CDK5RAP2: variants seen among roughly 807,000 people sequenced by gnomAD.
The protein encoded by CDK5RAP2 is CDK5 regulatory subunit-associated protein 2.
In CDK5RAP2, 147 loss-of-function variants were observed where a neutral mutation model predicts 232.9. The observed-to-expected ratio is 0.63, with a 90% CI of 0.55 to 0.72. CDK5RAP2 has a LOEUF of 0.72. Among genes scored for constraint, CDK5RAP2 ranks in the 30% least tolerant of loss-of-function variants. The pLI is 0.00. For missense variants in CDK5RAP2, 2,195 were observed against 2,231.5 expected (o/e 0.98, Z 0.33); for synonymous variants, 833 against 833.7 (o/e 1.00, Z 0.01).
Position 120,471,993 on chromosome 9 carries a change from A to G in CDK5RAP2, c.1728-115T>C, listed in dbSNP as rs2037734705. ...TCATTTGTGTTTTTTTCTGGTTATAAAAGTATATACAGGTTTACTATAGAG... is the reference window on the plus strand; with the variant it reads ...TCATTTGTGTTTTTTTCTGGTTATAGAAGTATATACAGGTTTACTATAGAG... On this transcript the variant is annotated intron_variant, in intron 15 of 37. Coordinates refer to ENST00000349780, the MANE Select transcript of CDK5RAP2 (RefSeq NM_018249.6). 14 of 1,359,402 alleles carry G rather than the reference A, an allele frequency of 1.0e-5. No individual in the cohort carries two copies. The South Asian group carries it at 1.7e-4, about 16-fold the overall frequency. 84.2% of individuals were successfully genotyped at this position (1,359,402 alleles called of 1,614,324 possible).
chr9:120,517,046 C>T (rs1418726239), intron 12 of CDK5RAP2, among the ~76,000 whole-genome samples: 1 of 152,066 alleles, frequency 6.6e-6, no homozygotes, highest in African/African-American at 2.4e-5. Context: ...TCAACATGAT[C>T]GTTCTGGAGC....
chr9:120,539,066 G>T lies in CDK5RAP2; in HGVS notation c.482C>A (p.Thr161Asn), dbSNP rs756166573. Residue 161 changes from threonine (T) to asparagine (N), a missense_variant, in exon 6 of 38, where the codon ACT becomes AAT. Thr to Asn is a moderately conservative substitution (Grantham distance 65). Coordinates refer to ENST00000349780, the MANE Select transcript of CDK5RAP2 (RefSeq NM_018249.6). ...CTTTTCCAAAAGGAGTATTCTTTTA[G>T]TTAGGAGATCTTCCACCTGCTGCAC... is the stretch of plus-strand genomic sequence containing the variant. ...KKVQQVEDLL[T>N]KRILLLEKDV... The T allele has an allele frequency of 6.2e-7, 1 of 1,614,072 alleles. No homozygotes were observed. Among genetic ancestry groups the T allele is most frequent in the Non-Finnish European group, 8.5e-7 (1 of 1,179,952 alleles).
At chr9:120,521,848 T>C (rs529294299) in intron 11 of CDK5RAP2, among the ~76,000 whole-genome samples, 2 of 152,216 alleles carry the variant, frequency 1.3e-5, no homozygotes, top group African/African-American at 4.8e-5. Flanking sequence ...GGTTTCGCCA[T>C]GTTAGCCAGA....
chr9:120,553,687 T>G (rs1274363190), intron 3 of CDK5RAP2, among the ~76,000 whole-genome samples: 1 of 152,244 alleles, frequency 6.6e-6, no homozygotes, highest in Non-Finnish European at 1.5e-5. Context: ...GCTCCTTTTT[T>G]GATAATTCAT....
rs1361353908 is a variant in CDK5RAP2, at chr9:120,431,086, G to A, written c.3955+6209C>T. On this transcript the variant is annotated intron_variant, in intron 25 of 37. Transcript: ENST00000349780. Reference sequence around the variant, plus strand: ...ATGAGAACACGTGGACACAGGAAAGGGAACATCACACTCTGGGGACTGTTG... The same window carrying A: ...ATGAGAACACGTGGACACAGGAAAGAGAACATCACACTCTGGGGACTGTTG... Among the ~76,000 whole-genome samples the A allele has an allele frequency of 2.6e-5, 4 of 152,256 alleles. No individual in the cohort carries two copies. The South Asian group carries it at 6.2e-4, about 24-fold the overall frequency.
At chr9:120,400,703 T>C in intron 35 of CDK5RAP2, 39 bp downstream of exon 35, 1 of 1,611,278 alleles carries the variant, frequency 6.2e-7, no homozygotes, top group Non-Finnish European at 8.5e-7. Flanking sequence ...CAGGCCCCAG[T>C]GGCATCCTTG....
chr9:120,478,307 T>C (rs1233039755), intron 14 of CDK5RAP2, among the ~76,000 whole-genome samples: 2 of 152,208 alleles, frequency 1.3e-5, no homozygotes, highest in Non-Finnish European at 2.9e-5. Context: ...CAATAAAAGA[T>C]ATGTGTATAG....
chr9:120,556,630 T>C (rs926707425), intron 3 of CDK5RAP2, among the ~76,000 whole-genome samples: 6 of 152,054 alleles, frequency 3.9e-5, no homozygotes, highest in African/African-American at 1.4e-4. Context: ...GGTTTCACCA[T>C]GTTGGCCAGG....
rs1208705235 is a variant in CDK5RAP2 at position 120,453,826 on chromosome 9, A to G, written c.2423T>C (p.Phe808Ser). The G allele has an allele frequency of 9.9e-6, 16 of 1,614,110 alleles. No homozygotes were observed. Among genetic ancestry groups the G allele is most frequent in the Non-Finnish European group, 8.5e-7 (1 of 1,180,046 alleles). The change falls in exon 21 of 38, where the codon TTC becomes TCC. Residue 808 changes from phenylalanine to serine, a missense_variant. By Grantham distance (155) the Phe-to-Ser change is radical. Transcript: ENST00000349780. ...TCCAGAAACTTCCTGCTCTGTCAAG[A>G]ATAGTTGTCCCAGAAGCAGTTCCCG... Reference protein sequence around the residue: ...VVRELLLGQLFLTEQEVSGEH... With the variant: ...VVRELLLGQLSLTEQEVSGEH...
intron 4 of CDK5RAP2, among the ~76,000 whole-genome samples, chr9:120,546,570 T>C (rs2041849924): frequency 2.0e-5 from 3 of 152,230 alleles, no homozygotes; most frequent in Admixed American, 2.0e-4. Context: ...GGGTGCATCG[T>C]TTGTGGAAGA....
intron 23 of CDK5RAP2, 150 bp from the exon 24 acceptor site, chr9:120,440,122 C>T (rs1325677277): frequency 4.3e-6 from 3 of 692,702 alleles, no homozygotes; most frequent in Non-Finnish European, 5.0e-6. Flanking sequence ...ACACTTCCCT[C>T]AAAAAGCCTC....
intron 12 of CDK5RAP2, among the ~76,000 whole-genome samples, chr9:120,494,885 G>T (rs1343238115): frequency 3.4e-5 from 5 of 145,182 alleles, no homozygotes; most frequent in Admixed American, 3.4e-4. Flanking sequence ...GGGGCAGTGC[G>T]GAGCCAGGAC....
chr9:120,542,540 T>C (rs10818462), intron 5 of CDK5RAP2, among the ~76,000 whole-genome samples: 50,143 of 150,678 alleles, frequency 0.33, 10,354 homozygotes, highest in South Asian at 0.51. Context: ...AGTTCCATGG[T>C]AGATACTGTC....
At chr9:120,453,929 C>A (rs1166519258) in intron 20 of CDK5RAP2, 56 bp from the exon 21 acceptor site, 10 of 1,556,010 alleles carry the variant, frequency 6.4e-6, no homozygotes, top group Non-Finnish European at 7.1e-6. Context: ...TAGGCCTTGT[C>A]CCCTAGCCAG....
chr9:120,536,055 C>T (rs1328415323), intron 7 of CDK5RAP2, among the ~76,000 whole-genome samples: 1 of 152,162 alleles, frequency 6.6e-6, no homozygotes, highest in African/African-American at 2.4e-5. Flanking sequence ...CTTGTCTCTA[C>T]CCTTTTTCCT....
rs183442201 is a variant in CDK5RAP2, at chr9:120,485,515, G to A, written c.1626+1779C>T. On this transcript the variant is annotated intron_variant, in intron 14 of 37. Transcript: ENST00000349780. The stretch of plus-strand genomic sequence containing the variant: ...TCACCATATTGGCCAGGGTGGTCTC[G>A]ATCTCTTGACCTTGTGATCCACCTG... Among the ~76,000 whole-genome samples the A allele has an allele frequency of 2.6e-5, 4 of 152,158 alleles. No individual in the cohort carries two copies. The East Asian group carries it at 7.7e-4, about 29-fold the overall frequency.
At chr9:120,413,830 A>AGGGAGGAGGGAGGAG (rs1554731831) in intron 28 of CDK5RAP2, among the ~76,000 whole-genome samples, 1 of 93,234 alleles carries the variant, frequency 1.1e-5, no homozygotes, top group African/African-American at 4.7e-5. Context: ...GGGAGGAGGG[A>AGGGAGGAGGGAGGAG]GGAGGGAGGA....
chr9:120,405,700 G>T (rs181689602), intron 32 of CDK5RAP2, among the ~76,000 whole-genome samples: 1 of 152,178 alleles, frequency 6.6e-6, no homozygotes, highest in Non-Finnish European at 1.5e-5. Flanking sequence ...CCCTTGTAGG[G>T]TTTTCTCCTA....
At chr9:120,423,329 A>C (rs1216210497) in intron 25 of CDK5RAP2, among the ~76,000 whole-genome samples, 1 of 152,234 alleles carries the variant, frequency 6.6e-6, no homozygotes, top group Non-Finnish European at 1.5e-5. Context: ...GCAAATTTTC[A>C]CTTTTATAAA....
Sources: gnomAD v4.1 joint callset for allele counts (sites outside exome capture counted in the v4.1 genomes callset) on GRCh38, gnomAD v4.1.1 for gene constraint, MANE v1.5 for transcripts, NCBI Gene and HGNC (gene_info 2026-07-23, HGNC 2026-07-21) for gene names.